The following CACNA1D variants were observed in gnomAD, a reference collection of about 807,000 sequenced individuals.
CACNA1D encodes the protein voltage-dependent L-type calcium channel subunit alpha-1D.
A neutral mutation model predicts 257.1 loss-of-function variants in CACNA1D; 55 were observed. That is an observed-to-expected ratio of 0.21 (90% CI 0.17 to 0.27). The LOEUF is 0.27. CACNA1D is among the 10% of genes least tolerant of loss of function. The probability of loss-of-function intolerance (pLI) is 1.00; values close to 1 mark genes in which losing one functional copy is unlikely to be tolerated. For missense variants in CACNA1D, 1,876 were observed against 2,784.0 expected (o/e 0.67, Z 7.34); for synonymous variants, 980 against 1,014.9 (o/e 0.97, Z 0.65).
intron 3 of CACNA1D, among the ~76,000 whole-genome samples, chr3:53,603,414 T>G (rs576586252): frequency 6.6e-6 from 1 of 152,204 alleles, no homozygotes; most frequent in African/African-American, 2.4e-5. Context: ...TTCTCATCTG[T>G]AAAATGAGAC....
chr3:53,579,098 C>CT (rs1379390356), intron 3 of CACNA1D, among the ~76,000 whole-genome samples: 3 of 152,226 alleles, frequency 2.0e-5, no homozygotes, highest in African/African-American at 7.2e-5. Context: ...GAGCTGTCCT[C>CT]TAAGTCAGGC....
chr3:53,659,066 G>A (rs1015033760), intron 4 of CACNA1D, among the ~76,000 whole-genome samples: 1 of 152,086 alleles, frequency 6.6e-6, no homozygotes, highest in African/African-American at 2.4e-5. Context: ...TTTGTTGCTG[G>A]GCCAGTCATT....
intron 3 of CACNA1D, among the ~76,000 whole-genome samples, chr3:53,508,015 GC>G (rs2090929696): frequency 6.6e-6 from 1 of 152,128 alleles, no homozygotes; most frequent in African/African-American, 2.4e-5. Flanking sequence ...TTCTATCCCT[GC>G]CCTGCACCCT....
chr3:53,805,745 C>T (rs1194404524), intron 45 of CACNA1D, among the ~76,000 whole-genome samples: 3 of 148,066 alleles, frequency 2.0e-5, no homozygotes, highest in Non-Finnish European at 4.5e-5. Context: ...CCTCCTCCCT[C>T]ATCTTCCCTC....
At chr3:53,517,048 G>A (rs2091363882) in intron 3 of CACNA1D, among the ~76,000 whole-genome samples, 1 of 152,128 alleles carries the variant, frequency 6.6e-6, no homozygotes, top group Non-Finnish European at 1.5e-5. Context: ...TTCTTCATTG[G>A]TCATAAAGCA....
intron 40 of CACNA1D, chr3:53,790,969 C>T (rs950466881): frequency 7.1e-6 from 5 of 702,062 alleles, no homozygotes; most frequent in East Asian, 2.7e-5. Flanking sequence ...CTGGCTGATT[C>T]GTTTGTTTCA....
At chr3:53,784,395 T>C (rs2095442010) in intron 39 of CACNA1D, among the ~76,000 whole-genome samples, 1 of 152,188 alleles carries the variant, frequency 6.6e-6, no homozygotes, top group South Asian at 2.1e-4. Flanking sequence ...TTGTATTCAT[T>C]CCTTCTCTTC....
chr3:53,651,120 C>T (rs192944415), intron 4 of CACNA1D, among the ~76,000 whole-genome samples: 1 of 152,184 alleles, frequency 6.6e-6, no homozygotes, highest in Non-Finnish European at 1.5e-5. Flanking sequence ...GAAATTCTCT[C>T]GTTGTTACTC....
At chr3:53,511,643 T>C (rs1389008060) in intron 3 of CACNA1D, among the ~76,000 whole-genome samples, 1 of 152,256 alleles carries the variant, frequency 6.6e-6, no homozygotes, top group Non-Finnish European at 1.5e-5. Context: ...TTCTCATTTC[T>C]ATAAAAACGC....
rs528135699 is a variant in CACNA1D at position 53,495,330 on chromosome 3, G to T, written c.67+97G>T. 2.1e-6 allele frequency: 3 copies of T among 1,415,842 alleles called. No individual in the cohort carries two copies. The African/African-American group carries it at 4.2e-5, about 20-fold the overall frequency. The allele number at this position is 1,415,842 out of a possible 1,614,324, so 87.7% of individuals were successfully genotyped here. A position where few individuals can be genotyped will look rare whatever the true frequency, so the allele number is the denominator to read the frequency against. ...CCCCGCGGCGCTGGATGGGTTGAGG[G>T]GGTTGGAGAGGGTGCTGCCAGCTCG... On this transcript the variant is annotated intron_variant, in intron 1 of 47. Transcript: ENST00000350061. This position sits in a 1 kb window ranked among gnomAD's most constrained non-coding sequence, Gnocchi z 5.1.
chr3:53,747,040 A>G (rs1235366750), intron 25 of CACNA1D, among the ~76,000 whole-genome samples: 2 of 152,166 alleles, frequency 1.3e-5, no homozygotes, highest in East Asian at 3.9e-4. Context: ...TCGGCCAACG[A>G]CGTATGCCCG....
chr3:53,519,739 A>G (rs1033107026), intron 3 of CACNA1D, among the ~76,000 whole-genome samples: 9 of 152,194 alleles, frequency 5.9e-5, no homozygotes, highest in Admixed American at 2.6e-4. Context: ...CATCATCAAA[A>G]TCAACTTTAG....
intron 8 of CACNA1D, among the ~76,000 whole-genome samples, chr3:53,691,676 A>G (rs2094520809): frequency 7.7e-6 from 1 of 130,286 alleles, no homozygotes; most frequent in Non-Finnish European, 1.6e-5. Flanking sequence ...GTATATATGT[A>G]ATATATATAT....
chr3:53,595,718 T>C (rs1437439682), intron 3 of CACNA1D, among the ~76,000 whole-genome samples: 1 of 152,104 alleles, frequency 6.6e-6, no homozygotes, highest in Non-Finnish European at 1.5e-5. Context: ...GCAGTTGAAG[T>C]TGCAGCAAGG....
Position 53,806,909 on chromosome 3 carries a change from C to T in CACNA1D, c.5750-1740C>T, listed in dbSNP as rs1045929945. 9.8e-5 allele frequency among the ~76,000 whole-genome samples: 15 copies of T among 152,352 alleles called. No homozygotes were observed. In the South Asian group the frequency reaches 2.7e-3, roughly 27 times the overall value. ...GAGTTCCACTGCCTTCCTCGGGCCT[C>T]GGCCTTTGTCTACTGCCTACTTGGC... On this transcript the variant is annotated intron_variant, in intron 45 of 47. Transcript: ENST00000350061.
chr3:53,589,045 C>G (rs1575991603), intron 3 of CACNA1D, among the ~76,000 whole-genome samples: 1 of 152,174 alleles, frequency 6.6e-6, no homozygotes, highest in South Asian at 2.1e-4. Context: ...GTGATTCTTT[C>G]ATTCTTTAGA....
intron 43 of CACNA1D, 141 bp from the exon 44 acceptor site, chr3:53,803,282 T>A (rs1240430651): frequency 1.2e-6 from 1 of 857,360 alleles, no homozygotes; most frequent in Non-Finnish European, 2.0e-6. Flanking sequence ...GCCGGAACAG[T>A]CCAGTGCTGC....
At chr3:53,716,025 T>C (rs192771078) in intron 9 of CACNA1D, among the ~76,000 whole-genome samples, 1 of 152,360 alleles carries the variant, frequency 6.6e-6, no homozygotes, top group Non-Finnish European at 1.5e-5. Flanking sequence ...AGAATTGAAA[T>C]GCTGCAACTG....
intron 27 of CACNA1D, 84 bp downstream of exon 27, chr3:53,749,553 G>C (rs1240122023): frequency 2.1e-6 from 2 of 951,548 alleles, no homozygotes; most frequent in Non-Finnish European, 3.4e-6. Context: ...CCCATACCCA[G>C]AGAAGGGCAC....
Sources: allele counts gnomAD v4.1 joint callset (sites outside exome capture counted in the v4.1 genomes callset), GRCh38; gene constraint gnomAD v4.1.1; non-coding constraint Gnocchi (gnomAD v3.1); transcripts MANE v1.5; gene names NCBI Gene and HGNC (gene_info 2026-07-23, HGNC 2026-07-21).